NAV3: variants seen among roughly 807,000 people sequenced by gnomAD.
NAV3 encodes the protein neuron navigator 3, also known as pore membrane and/or filament interacting like protein 1.
Under a neutral mutation model 244.7 loss-of-function variants are expected in NAV3, and 87 were observed. The ratio of observed to expected loss-of-function variants is 0.36; its 90% confidence interval spans 0.30 to 0.42. NAV3 has a LOEUF of 0.42. Among genes scored for constraint, NAV3 ranks in the 20% least tolerant of loss-of-function variants. NAV3 has a pLI of 1.00. For missense variants in NAV3, 2,663 were observed against 2,893.3 expected, an observed-to-expected ratio of 0.92 and a Z score of 1.83; for synonymous variants, 1,126 against 1,042.2, an observed-to-expected ratio of 1.08 and a Z score of -1.55.
At chr12:78,035,371 CT>C (rs1787913573) in intron 9 of NAV3, among the ~76,000 whole-genome samples, 1 of 152,082 alleles carries the variant, frequency 6.6e-6, no homozygotes, top group South Asian at 2.1e-4. Context: ...GGTCGATAGT[CT>C]TCTTAACTGT....
In NAV3 at chr12:78,014,984, AT is replaced by A. The variant is rs542638730; in HGVS notation, c.1908-6758del. On this transcript the variant is annotated intron_variant, in intron 8 of 39. Coordinates refer to ENST00000397909, the MANE Select transcript of NAV3 (RefSeq NM_001024383.2). The stretch of plus-strand genomic sequence containing the variant: ...GATTTGCATTTCCTCGCACAGCGGT[AT>A]TTTTAGGATGGAATATGAACACACT... Among the ~76,000 whole-genome samples, 26 of 152,116 alleles carry A rather than the reference AT, an allele frequency of 1.7e-4. No individual in the cohort carries two copies. The East Asian group carries it at 2.3e-3, about 14-fold the overall frequency.
At chr12:77,859,552 G>A (rs556306956) in intron 1 of NAV3, among the ~76,000 whole-genome samples, 129 of 151,172 alleles carry the variant, frequency 8.5e-4, no homozygotes, top group African/African-American at 3.0e-3. Flanking sequence ...GCACCAGCAT[G>A]GCACATGTAT....
In NAV3 at chr12:78,159,072, G is replaced by T. The variant is rs1957418811; in HGVS notation, c.4786-131G>T. 15 of 582,826 alleles carry T rather than the reference G, an allele frequency of 2.6e-5. No homozygotes were observed. The South Asian group carries it at 4.1e-4, about 16-fold the overall frequency. The allele number at this position is 582,826 out of a possible 1,614,324, so 36.1% of individuals were successfully genotyped here. A position where few individuals can be genotyped will look rare whatever the true frequency, so the allele number is the denominator to read the frequency against. ...TGTTAAAGAAGAGTCACCAGTCAGA[G>T]CTAACTATGATAGTCATAGTATTTA... On this transcript the variant is annotated intron_variant, in intron 22 of 39. Transcript: ENST00000397909.
At chr12:77,957,843 T>G (rs1619540) in intron 3 of NAV3, among the ~76,000 whole-genome samples, 125,621 of 151,972 alleles carry the variant, frequency 0.83, 52,139 homozygotes, top group East Asian at 0.98. Flanking sequence ...ATTTTTGTAT[T>G]TTTAGTAGAG....
At chr12:78,065,962 T>C (rs1377124080) in intron 12 of NAV3, among the ~76,000 whole-genome samples, 1 of 152,170 alleles carries the variant, frequency 6.6e-6, no homozygotes, top group African/African-American at 2.4e-5. Context: ...ATTTAACATT[T>C]ATCTCCTTTC....
At chr12:77,738,864 T>A (rs962054381) in intron 2 of NAV3, among the ~76,000 whole-genome samples, 4 of 151,762 alleles carry the variant, frequency 2.6e-5, no homozygotes, top group Admixed American at 1.3e-4. Flanking sequence ...ACAAAAAAAT[T>A]AGCCGGGCTT....
At chr12:77,977,228 TATG>T (rs1194773247) in intron 5 of NAV3, among the ~76,000 whole-genome samples, 2 of 152,134 alleles carry the variant, frequency 1.3e-5, no homozygotes, top group African/African-American at 4.8e-5. Context: ...AAGTAGTTGC[TATG>T]ATAACTTGAT....
intron 5 of NAV3, among the ~76,000 whole-genome samples, chr12:77,982,448 T>A (rs1869753371): frequency 6.6e-6 from 1 of 152,168 alleles, no homozygotes; most frequent in Non-Finnish European, 1.5e-5. Flanking sequence ...TTAATAGACA[T>A]GTTAATTAAT....
chr12:78,049,775 T>G (rs1436670804), intron 9 of NAV3, among the ~76,000 whole-genome samples: 1 of 152,246 alleles, frequency 6.6e-6, no homozygotes, highest in Admixed American at 6.5e-5. Context: ...AATATTATAG[T>G]GTTATCACCA....
intron 2 of NAV3, among the ~76,000 whole-genome samples, chr12:77,820,768 T>A (rs1197735641): frequency 6.6e-6 from 1 of 152,172 alleles, no homozygotes; most frequent in Non-Finnish European, 1.5e-5. Flanking sequence ...TTCAGTGGAA[T>A]AAGCAGATAT....
At chr12:77,969,155 T>A (rs1429209892) in intron 5 of NAV3, among the ~76,000 whole-genome samples, 2 of 151,728 alleles carry the variant, frequency 1.3e-5, no homozygotes, top group Non-Finnish European at 2.9e-5. Context: ...TGTGTGTGTG[T>A]GTGTGTGTGT....
intron 11 of NAV3, among the ~76,000 whole-genome samples, chr12:78,052,671 G>A (rs977489543): frequency 3.3e-5 from 5 of 151,900 alleles, no homozygotes; most frequent in Non-Finnish European, 7.4e-5. Context: ...ATTTTTGTAT[G>A]TATTTAACAT....
At position 78,007,456 on chromosome 12, in the gene NAV3, C is replaced by T. The variant is rs1199776676; in HGVS notation, c.1907+11C>T. ...ACCATTCATTTACAGGTAAGGTGGCCTCTGTTTATCCACAGTTGTAAATAT... is the reference window on the plus strand; with the variant it reads ...ACCATTCATTTACAGGTAAGGTGGCTTCTGTTTATCCACAGTTGTAAATAT... On this transcript the variant is annotated intron_variant, in intron 8 of 39. Transcript: ENST00000397909. The T allele has an allele frequency of 6.2e-7, 1 of 1,608,420 alleles. No individual in the cohort carries two copies. Among genetic ancestry groups the T allele is most frequent in the Admixed American group, 1.7e-5 (1 of 59,604 alleles).
intron 2 of NAV3, among the ~76,000 whole-genome samples, chr12:77,654,759 C>T (rs1873005608): frequency 6.6e-6 from 1 of 151,096 alleles, no homozygotes; most frequent in African/African-American, 2.5e-5. Context: ...TGAGACAAAA[C>T]TTCCAGAGGA....
At chr12:77,646,822 T>C (rs1872623342) in intron 2 of NAV3, among the ~76,000 whole-genome samples, 1 of 152,044 alleles carries the variant, frequency 6.6e-6, no homozygotes, top group African/African-American at 2.4e-5. Context: ...TAAAAATAAA[T>C]TTAAAATGTG....
intron 38 of NAV3, among the ~76,000 whole-genome samples, chr12:78,202,419 G>C (rs79022638): frequency 0.05 from 7,613 of 152,042 alleles, 320 homozygotes; most frequent in African/African-American, 0.11. Flanking sequence ...ACCTTGAAAT[G>C]ATAATAGTTA....
At chr12:78,184,692 G>A (rs889937256) in intron 30 of NAV3, among the ~76,000 whole-genome samples, 13 of 151,592 alleles carry the variant, frequency 8.6e-5, no homozygotes, top group South Asian at 6.2e-4. Flanking sequence ...TGCTATAGTC[G>A]TAATCTTTTT....
At chr12:77,620,112 A>G (rs925718803) in intron 2 of NAV3, among the ~76,000 whole-genome samples, 1 of 152,204 alleles carries the variant, frequency 6.6e-6, no homozygotes, top group Non-Finnish European at 1.5e-5. Context: ...TGGAAAGACT[A>G]CAAATGATGT....
At chr12:77,887,172 G>C (rs1046881549) in intron 1 of NAV3, among the ~76,000 whole-genome samples, 7 of 152,116 alleles carry the variant, frequency 4.6e-5, no homozygotes, top group Non-Finnish European at 8.8e-5. Context: ...AAGGGAGAGA[G>C]TGAGGGTAGA....
Sources: allele counts gnomAD v4.1 joint callset (sites outside exome capture counted in the v4.1 genomes callset), GRCh38; gene constraint gnomAD v4.1.1; transcripts MANE v1.5; gene names NCBI Gene and HGNC (gene_info 2026-07-23, HGNC 2026-07-21).